Variants in DCAF17 observed in about 807,000 individuals in gnomAD.
The protein encoded by DCAF17 is DDB1 and CUL4 associated factor 17.
In DCAF17, 48 loss-of-function variants were observed where a neutral mutation model predicts 66.0. The observed-to-expected ratio is 0.73, with a 90% confidence interval of 0.58 to 0.92. The LOEUF (loss-of-function observed/expected upper bound fraction) is 0.92, where lower values mean the gene tolerates loss of function less well. Ranked by LOEUF, DCAF17 falls within the 40% of genes least tolerant of loss-of-function variation. DCAF17 has a pLI of 0.00. For missense variants in DCAF17, 562 were observed against 622.8 expected (o/e 0.90, Z 1.04); for synonymous variants, 206 against 214.6 (o/e 0.96, Z 0.35).
intron 8 of DCAF17, among the ~76,000 whole-genome samples, chr2:171,459,034 G>T (rs1695425066): frequency 6.6e-6 from 1 of 152,188 alleles, no homozygotes; most frequent in Admixed American, 6.5e-5. Flanking sequence ...AACTGGCCAG[G>T]CATGGTGGCT....
chr2:171,465,696 G>A (rs1695859399), intron 8 of DCAF17, among the ~76,000 whole-genome samples: 2 of 152,092 alleles, frequency 1.3e-5, no homozygotes, highest in South Asian at 4.1e-4. Context: ...CCTTGGCCAG[G>A]CTGGTCTTGA....
chr2:171,437,614 T>C (rs753552945), intron 2 of DCAF17, among the ~76,000 whole-genome samples: 9 of 152,258 alleles, frequency 5.9e-5, no homozygotes, highest in Non-Finnish European at 1.2e-4. Flanking sequence ...TACAGACTTA[T>C]TCAAGTTATC....
intron 6 of DCAF17, among the ~76,000 whole-genome samples, chr2:171,457,084 CT>C (rs1695301398): frequency 6.6e-6 from 1 of 152,016 alleles, no homozygotes; most frequent in South Asian, 2.1e-4. Context: ...GACAAGATGT[CT>C]TTTTTCAAAG....
chr2:171,453,252 G>T, intron 6 of DCAF17, 39 bp downstream of exon 6: 1 of 1,411,678 alleles, frequency 7.1e-7, no homozygotes, highest in South Asian at 1.2e-5. Flanking sequence ...ATATTTTATT[G>T]ACAATAAGTT....
chr2:171,481,986 TAA>T lies in DCAF17; in HGVS notation c.*874_*875del, dbSNP rs1187898615. 2 of 453,924 alleles carry T rather than the reference TAA, an allele frequency of 4.4e-6. No homozygotes were observed. The highest frequency in any genetic ancestry group is 4.0e-5 in the African/African-American group (2 of 49,990). The allele number at this position is 453,924 out of a possible 1,614,324, so 28.1% of individuals were successfully genotyped here. A position where few individuals can be genotyped will look rare whatever the true frequency, so the allele number is the denominator to read the frequency against. Reference sequence around the variant, plus strand: ...GTTCTGTTTCCTGTAGAAAAGTGGATAAAGAGTCCCAGAAGAAGTTCTTACTA... The same window carrying T: ...GTTCTGTTTCCTGTAGAAAAGTGGATAGAGTCCCAGAAGAAGTTCTTACTA... On this transcript the variant is annotated 3_prime_UTR_variant, in exon 14 of 14. Transcript: ENST00000375255.
chr2:171,476,978 T>C (rs1696528314), intron 11 of DCAF17, 28 bp downstream of exon 11: 3 of 1,507,650 alleles, frequency 2.0e-6, no homozygotes, highest in Non-Finnish European at 2.8e-6. Context: ...TAAAATCCTT[T>C]ATATATCATT....
At chr2:171,440,560 C>T (rs1417970604) in intron 2 of DCAF17, among the ~76,000 whole-genome samples, 22 of 152,138 alleles carry the variant, frequency 1.4e-4, no homozygotes, top group African/African-American at 4.8e-5. Context: ...AGCAACAGAG[C>T]GAGACAGTGT....
At chr2:171,437,017 G>A (rs1021921877) in intron 2 of DCAF17, among the ~76,000 whole-genome samples, 19 of 151,802 alleles carry the variant, frequency 1.3e-4, no homozygotes, top group Admixed American at 3.3e-4. Context: ...CAGGTGATCC[G>A]GCCACCTCGG....
In DCAF17 at chr2:171,458,381, C is replaced by G. The variant is rs763098025; in HGVS notation, c.742C>G (p.Gln248Glu). 13 of 1,613,834 alleles carry G rather than the reference C, an allele frequency of 8.1e-6. No individual in the cohort carries two copies. In the South Asian group the frequency reaches 1.4e-4, roughly 18 times the overall value. Residue 248 changes from glutamine to glutamate, a missense_variant, in exon 8 of 14, where the codon CAG (glutamine) becomes GAG (glutamate). By Grantham distance (29) the Gln-to-Glu change is conservative. This residue lies in a region of DCAF17 where 348 missense variants were observed against 355.9 expected (regional missense o/e 0.98). Transcript: ENST00000375255. ...FQTIAEQFMQ[Q>E]KLDLGCACRW... The stretch of plus-strand genomic sequence containing the variant: ...TTTGTTTTGTTTTTAGTTCATGCAA[C>G]AGAAACTTGACTTAGGGTGTGCATG...
chr2:171,434,306 G>A lies in DCAF17; in HGVS notation c.-272G>A, dbSNP rs1693590182. ...GGCTCCGGCCGGCCGCGCGGTACCG[G>A]AGCGTCGCACTGTCAGCGGCCAGAG... On this transcript the variant is annotated 5_prime_UTR_variant, in exon 1 of 14. Coordinates refer to ENST00000375255, the MANE Select transcript of DCAF17 (RefSeq NM_025000.4). 4.8e-6 allele frequency: 3 copies of A among 622,544 alleles called. No homozygotes were observed. In the East Asian group the frequency reaches 1.1e-4, roughly 22 times the overall value. 38.6% of individuals were successfully genotyped at this position (622,544 alleles called of 1,614,324 possible). A position where few individuals can be genotyped will look rare whatever the true frequency, so the allele number is the denominator to read the frequency against.
rs770099902 is a variant in DCAF17 at position 171,482,365 on chromosome 2, T to G, written c.*1251T>G. The G allele has an allele frequency of 2.2e-6, 1 of 453,684 alleles. No individual in the cohort carries two copies. The highest frequency in any genetic ancestry group is 1.6e-5 in the South Asian group (1 of 64,340). 28.1% of individuals were successfully genotyped at this position (453,684 alleles called of 1,614,324 possible). On this transcript the variant is annotated 3_prime_UTR_variant, in exon 14 of 14. Coordinates refer to ENST00000375255, the MANE Select transcript of DCAF17 (RefSeq NM_025000.4). ...TGATTTATATTAAAATCTTTCCATTTTTTTTTTCAGTTTTGGCTTGATGCC... is the reference window on the plus strand; with the variant it reads ...TGATTTATATTAAAATCTTTCCATTGTTTTTTTCAGTTTTGGCTTGATGCC...
rs553481368 is a variant in DCAF17, at chr2:171,434,996, AG to A, written c.127-85del. 5.1e-6 allele frequency: 6 copies of A among 1,185,068 alleles called. No individual in the cohort carries two copies. In the South Asian group the frequency reaches 8.0e-5, roughly 16 times the overall value. 73.4% of individuals were successfully genotyped at this position (1,185,068 alleles called of 1,614,324 possible). A position where few individuals can be genotyped will look rare whatever the true frequency, so the allele number is the denominator to read the frequency against. The stretch of plus-strand genomic sequence containing the variant: ...GATGCAAAAAGTTTTAAAATAATAT[AG>A]GTGACATTATGTTGCTTTGAAAATT... On this transcript the variant is annotated intron_variant, in intron 1 of 13. Transcript: ENST00000375255.
intron 8 of DCAF17, among the ~76,000 whole-genome samples, chr2:171,467,727 CAAAAAAAA>C (rs34238683): frequency 2.9e-4 from 20 of 68,740 alleles, no homozygotes; most frequent in South Asian, 1.5e-3. Context: ...GAGACTGTCT[CAAAAAAAA>C]AAAAAAAAAA....
intron 10 of DCAF17, 41 bp from the exon 11 acceptor site, chr2:171,476,819 T>C (rs1696519357): frequency 4.7e-6 from 7 of 1,491,310 alleles, no homozygotes; most frequent in Non-Finnish European, 6.5e-6. Flanking sequence ...TTGATGGTGT[T>C]TTGAAGTCTT....
intron 1 of DCAF17, 99 bp downstream of exon 1, chr2:171,434,802 A>C (rs1301637789): frequency 5.0e-6 from 7 of 1,388,400 alleles, no homozygotes; most frequent in South Asian, 1.6e-5. Flanking sequence ...GCCTCCCTTT[A>C]TAGGGTCACA....
chr2:171,456,449 G>C (rs1695267266), intron 6 of DCAF17, among the ~76,000 whole-genome samples: 1 of 152,174 alleles, frequency 6.6e-6, no homozygotes, highest in South Asian at 2.1e-4. Flanking sequence ...CTCCAGCTTT[G>C]TTCTTTTTGC....
intron 6 of DCAF17, among the ~76,000 whole-genome samples, chr2:171,453,766 A>G (rs989585159): frequency 2.6e-5 from 4 of 152,176 alleles, no homozygotes; most frequent in African/African-American, 9.7e-5. Flanking sequence ...TCTACTTTAA[A>G]AAAAAAAGTT....
rs1337891622 is a variant in DCAF17, at chr2:171,480,971, C to T, written c.1423-3C>T. 6 of 1,613,594 alleles carry T rather than the reference C, an allele frequency of 3.7e-6. No individual in the cohort carries two copies. The highest frequency in any genetic ancestry group is 5.1e-6 in the Non-Finnish European group (6 of 1,179,580). ...GACTCCATATGATTGTGTTTTGTTACAGACATATAGCCATGAAGTCTACTT... is the reference window on the plus strand; with the variant it reads ...GACTCCATATGATTGTGTTTTGTTATAGACATATAGCCATGAAGTCTACTT... On this transcript the variant is annotated splice_polypyrimidine_tract_variant and splice_region_variant and intron_variant, in intron 13 of 13. Coordinates refer to ENST00000375255, the MANE Select transcript of DCAF17 (RefSeq NM_025000.4).
chr2:171,462,278 C>T (rs1695629736), intron 8 of DCAF17, among the ~76,000 whole-genome samples: 1 of 152,042 alleles, frequency 6.6e-6, no homozygotes, highest in African/African-American at 2.4e-5. Context: ...AAATATACAA[C>T]ATAAACCAAC....
Sources: gnomAD v4.1 joint callset for allele counts (sites outside exome capture counted in the v4.1 genomes callset) on GRCh38, gnomAD v4.1.1 for gene constraint, gnomAD v4.1.1 regional missense constraint, MANE v1.5 for transcripts, NCBI Gene and HGNC (gene_info 2026-07-23, HGNC 2026-07-21) for gene names.